STK32B: variants seen among roughly 807,000 people sequenced by gnomAD.
STK32B encodes serine/threonine-protein kinase 32B.
In STK32B, 43 loss-of-function variants were observed where a neutral mutation model predicts 52.6. The observed-to-expected ratio is 0.82, with a 90% CI of 0.64 to 1.05. The LOEUF is 1.05. Among genes scored for constraint, STK32B ranks in the 50% least tolerant of loss-of-function variants. The probability of loss-of-function intolerance (pLI) is 0.00; values close to 1 mark genes in which losing one functional copy is unlikely to be tolerated. For missense variants in STK32B, 621 were observed against 534.6 expected (o/e 1.16, Z -1.59); for synonymous variants, 238 against 204.3 (o/e 1.17, Z -1.41).
chr4:5,181,748 A>G (rs1236638680), intron 3 of STK32B, among the ~76,000 whole-genome samples: 2 of 152,386 alleles, frequency 1.3e-5, no homozygotes, highest in East Asian at 1.9e-4. Flanking sequence ...TAAAAATGCT[A>G]ATGATTATCT....
chr4:5,476,535 A>G (rs1273553242), intron 11 of STK32B, among the ~76,000 whole-genome samples: 1 of 151,984 alleles, frequency 6.6e-6, no homozygotes, highest in East Asian at 1.9e-4. Flanking sequence ...CCACTGCTTA[A>G]TCTAGCTATC....
At chr4:5,250,003 C>A (rs1007313420) in intron 3 of STK32B, among the ~76,000 whole-genome samples, 9 of 151,150 alleles carry the variant, frequency 6.0e-5, no homozygotes, top group African/African-American at 2.2e-4. Context: ...TGAGAACATG[C>A]AGTATTTGGT....
At chr4:5,152,070 G>C (rs182435708) in intron 2 of STK32B, among the ~76,000 whole-genome samples, 15 of 152,316 alleles carry the variant, frequency 9.8e-5, no homozygotes, top group Admixed American at 8.5e-4. Flanking sequence ...TGTGGAATCA[G>C]AGGTGAAAAA....
intron 3 of STK32B, among the ~76,000 whole-genome samples, chr4:5,307,832 G>C (rs1303110505): frequency 8.4e-6 from 1 of 118,492 alleles, no homozygotes; most frequent in African/African-American, 5.8e-5. Flanking sequence ...TTTTGATGTG[G>C]TGCTTTCCCC....
chr4:5,341,551 G>A (rs1733076620), intron 4 of STK32B, among the ~76,000 whole-genome samples: 1 of 152,200 alleles, frequency 6.6e-6, no homozygotes. Flanking sequence ...AATTGATAAT[G>A]ATTTCGTCGG....
chr4:5,214,560 T>C (rs944706967), intron 3 of STK32B, among the ~76,000 whole-genome samples: 1 of 152,194 alleles, frequency 6.6e-6, no homozygotes, highest in Non-Finnish European at 1.5e-5. Flanking sequence ...CTGGGTGGGT[T>C]TGTCTGTTCT....
rs749395728 is a variant in STK32B, at chr4:5,127,116, G to A, written c.53-12789G>A. 7.8e-6 allele frequency: 4 copies of A among 513,046 alleles called. No homozygotes were observed. In the East Asian group the frequency reaches 1.6e-4, roughly 21 times the overall value. The allele number at this position is 513,046 out of a possible 1,614,324, so 31.8% of individuals were successfully genotyped here. On this transcript the variant is annotated intron_variant, in intron 1 of 11. Coordinates refer to ENST00000282908, the MANE Select transcript of STK32B (RefSeq NM_018401.3). ...AGCCGTGAAGGGAACTTAACCAGAC[G>A]AGAATAAACAAGCTAGGATCTTGAT...
intron 4 of STK32B, among the ~76,000 whole-genome samples, chr4:5,370,796 T>C (rs1385565496): frequency 2.6e-5 from 4 of 151,782 alleles, no homozygotes; most frequent in African/African-American, 9.7e-5. Flanking sequence ...AGTAATCCCA[T>C]CTCTACAAAA....
At chr4:5,422,161 C>T (rs2109078880) in intron 6 of STK32B, among the ~76,000 whole-genome samples, 1 of 152,330 alleles carries the variant, frequency 6.6e-6, no homozygotes, top group South Asian at 2.1e-4. Flanking sequence ...TTAGAGGACA[C>T]AGCTGATTTT....
intron 9 of STK32B, among the ~76,000 whole-genome samples, chr4:5,463,789 G>T (rs572735488): frequency 6.6e-6 from 1 of 152,084 alleles, no homozygotes; most frequent in Admixed American, 6.6e-5. Context: ...TTTCTCTTCC[G>T]GGGATCCCTT....
At chr4:5,035,492 T>C in the STK32B span, among the ~76,000 whole-genome samples, 4 of 152,128 alleles carry the variant, frequency 2.6e-5, no homozygotes, top group Admixed American at 1.3e-4. Flanking sequence ...CCTGAATATT[T>C]TGGGTGAAGA....
chr4:5,351,067 A>G (rs1181420811), intron 4 of STK32B, among the ~76,000 whole-genome samples: 1 of 151,972 alleles, frequency 6.6e-6, no homozygotes, highest in Non-Finnish European at 1.5e-5. Flanking sequence ...ACTTAGACTG[A>G]AAATTAACAA....
chr4:5,280,446 T>C (rs1179629664), intron 3 of STK32B, among the ~76,000 whole-genome samples: 6 of 152,192 alleles, frequency 3.9e-5, no homozygotes, highest in Non-Finnish European at 5.9e-5. Context: ...TGACTCTCCC[T>C]CGTCTCCCTG....
At chr4:5,349,468 AC>A (rs1733690099) in intron 4 of STK32B, among the ~76,000 whole-genome samples, 1 of 152,146 alleles carries the variant, frequency 6.6e-6, no homozygotes, top group Admixed American at 6.6e-5. Context: ...AACACAATAT[AC>A]ACATCTTTAG....
chr4:5,280,152 T>C (rs1222350592), intron 3 of STK32B, among the ~76,000 whole-genome samples: 2 of 152,344 alleles, frequency 1.3e-5, no homozygotes, highest in East Asian at 3.9e-4. Flanking sequence ...TCCAAACTTT[T>C]ATGCTCTGCT....
intron 4 of STK32B, among the ~76,000 whole-genome samples, chr4:5,354,358 TGGGTTCAA>T (rs555415492): frequency 3.7e-4 from 57 of 152,302 alleles, no homozygotes; most frequent in Middle Eastern, 6.8e-3. Flanking sequence ...CTCCACCTCC[TGGGTTCAA>T]GGGATTCTCC....
chr4:5,497,540 G>A (rs1456297278), intron 11 of STK32B, among the ~76,000 whole-genome samples: 1 of 152,170 alleles, frequency 6.6e-6, no homozygotes, highest in Non-Finnish European at 1.5e-5. Context: ...AAGCCTTGGG[G>A]GCAGAGGAAC....
chr4:5,436,748 C>G (rs573712872), intron 6 of STK32B: 2 of 914,050 alleles, frequency 2.2e-6, no homozygotes, highest in South Asian at 1.0e-4. Context: ...ACCTAGGAGT[C>G]AGGACCAAGA....
chr4:5,385,796 A>C (rs865913483), intron 4 of STK32B, among the ~76,000 whole-genome samples: 35 of 151,848 alleles, frequency 2.3e-4, no homozygotes, highest in African/African-American at 8.5e-4. Flanking sequence ...CACACCCTCA[A>C]CACACAGCCA....
Sources: gnomAD v4.1 joint callset for allele counts (sites outside exome capture counted in the v4.1 genomes callset) on GRCh38, gnomAD v4.1.1 for gene constraint, MANE v1.5 for transcripts, NCBI Gene and HGNC (gene_info 2026-07-23, HGNC 2026-07-21) for gene names.